BCL2L13: variants seen among roughly 807,000 people sequenced by gnomAD.
BCL2L13 encodes the protein BCL2 like 13, also known as bcl-2-like protein 13.
In BCL2L13, 13 loss-of-function variants were observed where a neutral mutation model predicts 25.8. That is an observed-to-expected ratio of 0.50 (90% CI 0.33 to 0.80). BCL2L13 has a LOEUF of 0.80. Ranked by LOEUF, BCL2L13 falls within the 30% of genes least tolerant of loss-of-function variation. BCL2L13 has a pLI of 0.02. For missense variants in BCL2L13, 504 were observed against 574.9 expected (o/e 0.88, Z 1.26); for synonymous variants, 244 against 230.3 (o/e 1.06, Z -0.54).
At position 17,702,476 on chromosome 22, in the gene BCL2L13, G is replaced by C. The variant is rs137990506; in HGVS notation, c.600+90G>C. The C allele has an allele frequency of 2.1e-3, 2,598 of 1,262,920 alleles. 49 individuals carry two copies. In the African/African-American group the frequency reaches 0.034, roughly 17 times the overall value. The allele number at this position is 1,262,920 out of a possible 1,614,324, so 78.2% of individuals were successfully genotyped here. On this transcript the variant is annotated intron_variant, in intron 6 of 6. Transcript: ENST00000317582. ...GAGATGGGTTCTTGCTGTGTTACCCGGGCTGGAGTGCAGTGTCTAATTGCT... is the reference window on the plus strand; with the variant it reads ...GAGATGGGTTCTTGCTGTGTTACCCCGGCTGGAGTGCAGTGTCTAATTGCT...
At chr22:17,682,273 T>C (rs2059778838) in intron 2 of BCL2L13, among the ~76,000 whole-genome samples, 1 of 152,200 alleles carries the variant, frequency 6.6e-6, no homozygotes, top group African/African-American at 2.4e-5. Flanking sequence ...AAAGAAATCG[T>C]TATGCCCACA....
At chr22:17,694,398 G>A (rs2060202574) in intron 4 of BCL2L13, among the ~76,000 whole-genome samples, 1 of 151,994 alleles carries the variant, frequency 6.6e-6, no homozygotes. Context: ...TCCAGCTAGG[G>A]GTGGTGGGAC....
chr22:17,642,430 A>T (rs1299549073), intron 1 of BCL2L13, among the ~76,000 whole-genome samples: 1 of 152,128 alleles, frequency 6.6e-6, no homozygotes, highest in East Asian at 1.9e-4. Flanking sequence ...AAGTGCTGGG[A>T]TTACTGGCGT....
At chr22:17,711,304 CTT>C (rs765639315) in intron 6 of BCL2L13, among the ~76,000 whole-genome samples, 5 of 125,344 alleles carry the variant, frequency 4.0e-5, no homozygotes, top group African/African-American at 3.1e-5. Context: ...CATGATGGGC[CTT>C]TTTTTTTTTG....
intron 6 of BCL2L13, among the ~76,000 whole-genome samples, chr22:17,719,711 C>T (rs939771710): frequency 2.0e-5 from 3 of 151,730 alleles, no homozygotes; most frequent in Admixed American, 2.0e-4. Context: ...CGCCTGTAAT[C>T]CCAGCTACTC....
intron 2 of BCL2L13, among the ~76,000 whole-genome samples, chr22:17,656,074 C>T (rs113758005): frequency 7.9e-5 from 12 of 151,920 alleles, no homozygotes; most frequent in Middle Eastern, 3.4e-3. Flanking sequence ...AACCCTGCCT[C>T]TACTAATAAT....
chr22:17,689,267 A>T, intron 4 of BCL2L13, 125 bp downstream of exon 4: 1 of 765,544 alleles, frequency 1.3e-6, no homozygotes, highest in Non-Finnish European at 1.9e-6. Context: ...TTTTCTTTAC[A>T]TTTTCTTCAT....
intron 5 of BCL2L13, among the ~76,000 whole-genome samples, chr22:17,699,742 A>G (rs1453075783): frequency 1.3e-5 from 2 of 152,132 alleles, no homozygotes; most frequent in Non-Finnish European, 2.9e-5. Context: ...TTAACATTTA[A>G]AAAAAGTAAT....
intron 3 of BCL2L13, among the ~76,000 whole-genome samples, chr22:17,688,366 G>A (rs186350473): frequency 3.9e-5 from 6 of 152,318 alleles, no homozygotes; most frequent in African/African-American, 1.2e-4. Flanking sequence ...GGAAATGAAA[G>A]CAATGGACTC....
intron 3 of BCL2L13, 30 bp downstream of exon 3, chr22:17,683,351 AAGC>A: frequency 6.2e-6 from 8 of 1,289,928 alleles, no homozygotes; most frequent in Non-Finnish European, 8.8e-6. Flanking sequence ...TCTAGTTAAT[AAGC>A]AGATTGTGTT....
intron 6 of BCL2L13, among the ~76,000 whole-genome samples, chr22:17,712,992 A>G (rs927658269): frequency 6.6e-6 from 1 of 152,204 alleles, no homozygotes; most frequent in African/African-American, 2.4e-5. Flanking sequence ...CAGAGTATGT[A>G]TGGGCTTCGG....
chr22:17,652,110 A>T (rs954577144), intron 1 of BCL2L13, among the ~76,000 whole-genome samples: 4 of 152,240 alleles, frequency 2.6e-5, no homozygotes, highest in African/African-American at 9.6e-5. Flanking sequence ...TGAGAAACTC[A>T]TCATAGGTGG....
rs368631044 is a variant in BCL2L13, at chr22:17,671,524, G to A, written c.122-11690G>A. Reference sequence around the variant, plus strand: ...AGAGGTTGAAGTGAGTTGAGATCGCGCCATGCACTCCATTCTGGGCAACAG... The same window carrying A: ...AGAGGTTGAAGTGAGTTGAGATCGCACCATGCACTCCATTCTGGGCAACAG... On this transcript the variant is annotated intron_variant, in intron 2 of 6. Transcript: ENST00000317582. Among the ~76,000 whole-genome samples the A allele has an allele frequency of 8.0e-5, 12 of 150,188 alleles. 1 individual carries two copies. The East Asian group carries it at 2.0e-3, about 25-fold the overall frequency.
intron 6 of BCL2L13, among the ~76,000 whole-genome samples, chr22:17,715,201 T>G (rs1162762491): frequency 3.2e-5 from 3 of 94,466 alleles, no homozygotes; most frequent in Middle Eastern, 5.6e-3. Context: ...TTTTTTTTTT[T>G]TTGAGGTAGG....
intron 5 of BCL2L13, 49 bp from the exon 6 acceptor site, chr22:17,702,194 T>G (rs948489804): frequency 7.0e-7 from 1 of 1,432,006 alleles, no homozygotes; most frequent in Non-Finnish European, 9.5e-7. Context: ...ATAAAACACA[T>G]TATAAGAATT....
chr22:17,658,951 T>TGGGAGGCTGA (rs1305404120), intron 2 of BCL2L13, among the ~76,000 whole-genome samples: 1 of 126,418 alleles, frequency 7.9e-6, no homozygotes, highest in Non-Finnish European at 1.8e-5. Context: ...CCCAGCTACT[T>TGGGAGGCTGA]GGGAGGCTGA....
intron 6 of BCL2L13, among the ~76,000 whole-genome samples, chr22:17,726,369 A>C (rs956070091): frequency 8.3e-5 from 11 of 132,570 alleles, no homozygotes; most frequent in African/African-American, 2.9e-4. Flanking sequence ...AAAAAAAAAA[A>C]CCTCAGATTT....
intron 1 of BCL2L13, among the ~76,000 whole-genome samples, chr22:17,653,440 A>G (rs915255877): frequency 6.6e-6 from 1 of 150,868 alleles, no homozygotes. Context: ...ATATTCTCGT[A>G]ACTTGTCTCC....
chr22:17,629,479 C>A (rs180730475), intron 1 of BCL2L13, among the ~76,000 whole-genome samples: 52 of 152,196 alleles, frequency 3.4e-4, no homozygotes, highest in Non-Finnish European at 3.7e-4. Context: ...TCCCAGGTCC[C>A]ATTTAGAGGA....
Sources: gnomAD v4.1 joint callset for allele counts (sites outside exome capture counted in the v4.1 genomes callset) on GRCh38, gnomAD v4.1.1 for gene constraint, MANE v1.5 for transcripts, NCBI Gene and HGNC (gene_info 2026-07-23, HGNC 2026-07-21) for gene names.